The following ZMYM2 variants were observed in gnomAD, a reference collection of about 807,000 sequenced individuals.
ZMYM2 encodes the protein zinc finger MYM-type protein 2.
In ZMYM2, 56 loss-of-function variants were observed where a neutral mutation model predicts 162.8. The observed-to-expected ratio is 0.34, with a 90% CI of 0.28 to 0.43. The LOEUF is 0.43. Among genes scored for constraint, ZMYM2 ranks in the 20% least tolerant of loss-of-function variants. ZMYM2 has a pLI of 1.00. For missense variants in ZMYM2, 1,275 were observed against 1,621.8 expected, an observed-to-expected ratio of 0.79 and a Z score of 3.67; for synonymous variants, 510 against 541.6, an observed-to-expected ratio of 0.94 and a Z score of 0.81.
chr13:20,041,008 T>A (rs941427519), intron 12 of ZMYM2, among the ~76,000 whole-genome samples: 1 of 152,208 alleles, frequency 6.6e-6, no homozygotes, highest in African/African-American at 2.4e-5. Flanking sequence ...TACTGAGGAA[T>A]GTTTTATATG....
upstream of ZMYM2, among the ~76,000 whole-genome samples, chr13:19,954,411 TG>T (rs1954475518): frequency 6.6e-6 from 1 of 151,720 alleles, no homozygotes; most frequent in Non-Finnish European, 1.5e-5. Context: ...CCACCGCGCC[TG>T]GCCTGTTTAA....
chr13:20,002,784 A>G (rs552347037), intron 3 of ZMYM2, 66 bp from the exon 4 acceptor site: 24 of 1,537,834 alleles, frequency 1.6e-5, no homozygotes, highest in Non-Finnish European at 1.8e-5. Context: ...TTTCTCTGAT[A>G]TAAATTTTAA....
At chr13:19,885,921 A>ATGTGTGTATACACACATGTATGTGTG in the ZMYM2 span, among the ~76,000 whole-genome samples, 1 of 45,846 alleles carries the variant, frequency 2.2e-5, no homozygotes, top group Non-Finnish European at 5.5e-5. Flanking sequence ...ATATACACAT[A>ATGTGTGTATACACACATGTATGTGTG]TATATGTGTA....
intron 2 of ZMYM2, among the ~76,000 whole-genome samples, chr13:19,960,886 T>C (rs73426064): frequency 0.031 from 4,643 of 151,148 alleles, 237 homozygotes; most frequent in African/African-American, 0.1. Context: ...GAGTCAGAGA[T>C]GAGTTATTTA....
At position 20,062,918 on chromosome 13, in the gene ZMYM2, T is replaced by C. The variant is rs1180187170; in HGVS notation, c.2984T>C (p.Met995Thr). ...KNSDPETQSS[M>T]PDVPYEPDLD... The stretch of plus-strand genomic sequence containing the variant: ...TCTGACCCAGAGACACAGTCCAGCA[T>C]GCCTGATGTACCATATGAACCAGAT... Residue 995 changes from methionine (M) to threonine (T), a missense_variant, in exon 18 of 25, where the codon ATG becomes ACG. This residue lies in a region of ZMYM2 where 229 missense variants were observed against 283.8 expected (regional missense o/e 0.81). Transcript: ENST00000610343. 1.2e-6 allele frequency: 2 copies of C among 1,603,842 alleles called. No individual in the cohort carries two copies. The highest frequency in any genetic ancestry group is 2.2e-5 in the East Asian group (1 of 44,774).
the ZMYM2 span, among the ~76,000 whole-genome samples, chr13:19,885,992 T>TATATGTGTATATACAC: frequency 2.3e-5 from 3 of 131,254 alleles, no homozygotes; most frequent in African/African-American, 8.3e-5. Flanking sequence ...TATATACACA[T>TATATGTGTATATACAC]ATATATGTGT....
chr13:20,026,075 T>A (rs568456227), intron 7 of ZMYM2: 1 of 152,324 alleles, frequency 6.6e-6, no homozygotes, highest in Admixed American at 6.5e-5. Flanking sequence ...AAAATTTTTT[T>A]ATTTTATTGT....
rs1948968359 is a variant in ZMYM2, at chr13:19,984,315, A to G, written c.-10-8748A>G. ...TGAATCAAAATAAAGACCAAATAGA[A>G]CTGAAAGCATTTATGATTTATAATG... On this transcript the variant is annotated intron_variant, in intron 2 of 24. Transcript: ENST00000610343. 3.3e-5 allele frequency among the ~76,000 whole-genome samples: 5 copies of G among 152,242 alleles called. No homozygotes were observed. In the South Asian group the frequency reaches 1.0e-3, roughly 31 times the overall value.
intron 3 of ZMYM2, among the ~76,000 whole-genome samples, chr13:19,996,387 C>A (rs549324773): frequency 6.6e-6 from 1 of 152,080 alleles, no homozygotes; most frequent in East Asian, 1.9e-4. Context: ...TTCAGACCAG[C>A]CTCTGGGCAA....
the ZMYM2 span, among the ~76,000 whole-genome samples, chr13:19,869,131 T>C: frequency 3.3e-5 from 5 of 152,192 alleles, no homozygotes; most frequent in African/African-American, 4.8e-5. Context: ...CACAATACAA[T>C]TAATAAAAAT....
At chr13:19,901,974 A>T in the ZMYM2 span, among the ~76,000 whole-genome samples, 1 of 151,988 alleles carries the variant, frequency 6.6e-6, no homozygotes, top group African/African-American at 2.4e-5. Flanking sequence ...AATTTTTTAG[A>T]TAGAGGGTCT....
chr13:19,871,013 T>C, the ZMYM2 span, among the ~76,000 whole-genome samples: 1 of 151,534 alleles, frequency 6.6e-6, no homozygotes, highest in Non-Finnish European at 1.5e-5. Flanking sequence ...GCAGTAAAAA[T>C]TAAATGGAAA....
chr13:19,983,524 A>G (rs1472993533), intron 2 of ZMYM2, among the ~76,000 whole-genome samples: 1 of 152,212 alleles, frequency 6.6e-6, no homozygotes, highest in Non-Finnish European at 1.5e-5. Context: ...ATATGGTAAT[A>G]GTAGAAGAAT....
chr13:19,914,343 G>A, the ZMYM2 span, among the ~76,000 whole-genome samples: 1 of 152,230 alleles, frequency 6.6e-6, no homozygotes, highest in Non-Finnish European at 1.5e-5. Flanking sequence ...AGCTACTGCT[G>A]TTGTTGTCCA....
the ZMYM2 span, among the ~76,000 whole-genome samples, chr13:19,901,337 T>C: frequency 6.6e-6 from 1 of 152,208 alleles, no homozygotes; most frequent in African/African-American, 2.4e-5. Context: ...TTCATGTTCA[T>C]AGCAGATTTT....
chr13:20,052,004 T>A (rs1006843074), intron 13 of ZMYM2, among the ~76,000 whole-genome samples: 9 of 152,042 alleles, frequency 5.9e-5, no homozygotes, highest in Non-Finnish European at 1.3e-4. Context: ...TTAAAAAAAA[T>A]ATCATTTAAG....
At chr13:19,930,745 G>C in the ZMYM2 span, among the ~76,000 whole-genome samples, 1 of 151,302 alleles carries the variant, frequency 6.6e-6, no homozygotes, top group African/African-American at 2.4e-5. Flanking sequence ...TTCCATATTG[G>C]CCAGGCTGGT....
intron 10 of ZMYM2, among the ~76,000 whole-genome samples, chr13:20,033,646 T>C (rs1953404929): frequency 6.6e-6 from 1 of 152,218 alleles, no homozygotes; most frequent in Admixed American, 6.5e-5. Context: ...TTTTAACTTG[T>C]TCATACCTGC....
chr13:20,052,331 A>T lies in ZMYM2; in HGVS notation c.2493+20A>T. The T allele has an allele frequency of 1.3e-6, 2 of 1,565,380 alleles. No homozygotes were observed. Among genetic ancestry groups the T allele is most frequent in the Non-Finnish European group, 1.7e-6 (2 of 1,154,322 alleles). ...ATGACAGTAAGTATTGGTGAAATGGAGTGCTGAATTGTGATTTTTGTAATA... is the reference window on the plus strand; with the variant it reads ...ATGACAGTAAGTATTGGTGAAATGGTGTGCTGAATTGTGATTTTTGTAATA... On this transcript the variant is annotated intron_variant, in intron 14 of 24. Coordinates refer to ENST00000610343, the MANE Select transcript of ZMYM2 (RefSeq NM_197968.4).
Sources: gnomAD v4.1 joint callset for allele counts (sites outside exome capture counted in the v4.1 genomes callset) on GRCh38, gnomAD v4.1.1 for gene constraint, gnomAD v4.1.1 regional missense constraint, MANE v1.5 for transcripts, NCBI Gene and HGNC (gene_info 2026-07-23, HGNC 2026-07-21) for gene names.